RANBP2: variants seen among roughly 807,000 people sequenced by gnomAD.
RANBP2 encodes the protein RAN binding protein 2.
Under a neutral mutation model 303.6 loss-of-function variants are expected in RANBP2, and 57 were observed. The ratio of observed to expected loss-of-function variants is 0.19; its 90% CI spans 0.15 to 0.23. The LOEUF is 0.23. Among genes scored for constraint, RANBP2 ranks in the 10% least tolerant of loss-of-function variants. The probability of loss-of-function intolerance (pLI) is 1.00; values close to 1 mark genes in which losing one functional copy is unlikely to be tolerated. For missense variants in RANBP2, 3,138 were observed against 3,780.8 expected (o/e 0.83, Z 4.46); for synonymous variants, 1,167 against 1,301.5 (o/e 0.90, Z 2.23).
intron 1 of RANBP2, among the ~76,000 whole-genome samples, chr2:108,725,068 T>C (rs1484330540): frequency 1.3e-5 from 2 of 152,222 alleles, no homozygotes; most frequent in Admixed American, 6.5e-5. Flanking sequence ...AAGATAGAGA[T>C]GATGTGGCAT....
the RANBP2 span, among the ~76,000 whole-genome samples, chr2:109,163,459 C>T: frequency 0.28 from 34,888 of 124,996 alleles, 4,768 homozygotes; most frequent in East Asian, 0.47. Flanking sequence ...AGTGCAGTGG[C>T]GGGATCTCGG....
the RANBP2 span, among the ~76,000 whole-genome samples, chr2:108,803,624 C>T: frequency 9.3e-3 from 1,414 of 152,212 alleles, 27 homozygotes; most frequent in African/African-American, 0.033. Context: ...TTTTGTTCTA[C>T]TTCTCCATGT....
the RANBP2 span, among the ~76,000 whole-genome samples, chr2:109,637,813 GAC>G: frequency 6.6e-6 from 1 of 152,122 alleles, no homozygotes; most frequent in Non-Finnish European, 1.5e-5. Flanking sequence ...TTTCTAGATA[GAC>G]ACAGTATCAG....
At chr2:109,153,966 A>G in the RANBP2 span, among the ~76,000 whole-genome samples, 1 of 152,260 alleles carries the variant, frequency 6.6e-6, no homozygotes, top group South Asian at 2.1e-4. Flanking sequence ...ACGTGACCAC[A>G]GAGCATTAAG....
the RANBP2 span, among the ~76,000 whole-genome samples, chr2:109,382,760 G>A: frequency 6.6e-6 from 1 of 152,238 alleles, no homozygotes; most frequent in Admixed American, 6.5e-5. Flanking sequence ...AGGGCCCGCA[G>A]CTGATGAGCA....
the RANBP2 span, among the ~76,000 whole-genome samples, chr2:109,448,159 C>T: frequency 1.9e-4 from 29 of 152,180 alleles, no homozygotes; most frequent in Non-Finnish European, 1.0e-4. Context: ...CAAGCTTGGT[C>T]GGCTTGCATG....
chr2:109,560,466 G>A, the RANBP2 span, among the ~76,000 whole-genome samples: 1 of 152,128 alleles, frequency 6.6e-6, no homozygotes, highest in Admixed American at 6.5e-5. Context: ...ACTCAAGGCT[G>A]TTTCTGAGTC....
chr2:109,013,276 C>T, the RANBP2 span, among the ~76,000 whole-genome samples: 1 of 152,212 alleles, frequency 6.6e-6, no homozygotes, highest in Non-Finnish European at 1.5e-5. Flanking sequence ...GCAGAGGTGA[C>T]TTGTTAGTCA....
At chr2:109,139,185 C>T in the RANBP2 span, among the ~76,000 whole-genome samples, 1 of 152,192 alleles carries the variant, frequency 6.6e-6, no homozygotes, top group Non-Finnish European at 1.5e-5. Context: ...CCTATTTTCT[C>T]TTCCCAAGCA....
At chr2:109,452,673 G>T in the RANBP2 span, among the ~76,000 whole-genome samples, 1 of 152,224 alleles carries the variant, frequency 6.6e-6, no homozygotes, top group Non-Finnish European at 1.5e-5. Flanking sequence ...GCTCTGTGTT[G>T]TGTGGTGTCA....
the RANBP2 span, among the ~76,000 whole-genome samples, chr2:109,254,201 C>T: frequency 5.9e-5 from 9 of 152,172 alleles, no homozygotes; most frequent in Non-Finnish European, 1.3e-4. Context: ...ATTTTATAGA[C>T]TTCTTCACTC....
the RANBP2 span, among the ~76,000 whole-genome samples, chr2:109,009,258 T>A: frequency 2.6e-5 from 4 of 151,956 alleles, no homozygotes; most frequent in Non-Finnish European, 5.9e-5. Context: ...GAGAATGGCA[T>A]CAACCCAGGA....
chr2:108,969,135 G>C, the RANBP2 span, among the ~76,000 whole-genome samples: 1 of 152,124 alleles, frequency 6.6e-6, no homozygotes, highest in Non-Finnish European at 1.5e-5. Context: ...ATTCAACAAG[G>C]GTGATGAAGA....
At chr2:108,998,812 G>A in the RANBP2 span, among the ~76,000 whole-genome samples, 4 of 151,798 alleles carry the variant, frequency 2.6e-5, no homozygotes, top group Non-Finnish European at 5.9e-5. Flanking sequence ...TGTGGCCCAA[G>A]TAAACACAAA....
At chr2:108,873,645 T>C in the RANBP2 span, 3 of 1,329,898 alleles carry the variant, frequency 2.3e-6, no homozygotes, top group Non-Finnish European at 3.1e-6. Flanking sequence ...CTGTGATCAT[T>C]TAAACCAGGG....
the RANBP2 span, among the ~76,000 whole-genome samples, chr2:109,517,285 C>T: frequency 6.6e-6 from 1 of 152,170 alleles, no homozygotes; most frequent in Non-Finnish European, 1.5e-5. Flanking sequence ...CCCTTTGTCT[C>T]CACACCAGCC....
At chr2:108,758,023 C>G (rs759308530) in intron 17 of RANBP2, among the ~76,000 whole-genome samples, 2 of 152,066 alleles carry the variant, frequency 1.3e-5, no homozygotes, top group Non-Finnish European at 2.9e-5. Flanking sequence ...CAGGTCCGGG[C>G]GTGGTGGGTC....
At chr2:109,143,908 G>A in the RANBP2 span, among the ~76,000 whole-genome samples, 2 of 152,170 alleles carry the variant, frequency 1.3e-5, no homozygotes, top group Non-Finnish European at 2.9e-5. Flanking sequence ...TGGCATGGAT[G>A]AGCCTAGAGG....
At chr2:109,282,868 A>G in the RANBP2 span, among the ~76,000 whole-genome samples, 1 of 152,082 alleles carries the variant, frequency 6.6e-6, no homozygotes, top group Admixed American at 6.5e-5. Context: ...GAGAGGAGCT[A>G]TGGATGGGGA....
Sources: gnomAD v4.1 joint callset for allele counts (sites outside exome capture counted in the v4.1 genomes callset) on GRCh38, gnomAD v4.1.1 for gene constraint, MANE v1.5 for transcripts, NCBI Gene and HGNC (gene_info 2026-07-23, HGNC 2026-07-21) for gene names.